GDPD5: variants seen among roughly 807,000 people sequenced by gnomAD.
GDPD5 encodes glycerophosphodiester phosphodiesterase domain containing 5.
GDPD5 carries 48 observed loss-of-function variants against 75.1 expected under a neutral mutation model. That is an observed-to-expected ratio of 0.64 (90% CI 0.51 to 0.81). The LOEUF (loss-of-function observed/expected upper bound fraction) is 0.81. Among genes scored for constraint, GDPD5 ranks in the 40% least tolerant of loss-of-function variants. The pLI is 0.00. For synonymous variants in GDPD5, 336 were observed against 339.0 expected (o/e 0.99, Z 0.10); for missense variants, 706 against 822.6 (o/e 0.86, Z 1.73).
chr11:75,503,306 C>A (rs1209591124), intron 1 of GDPD5, among the ~76,000 whole-genome samples: 1 of 152,242 alleles, frequency 6.6e-6, no homozygotes, highest in Non-Finnish European at 1.5e-5. Context: ...CAGGCATGAG[C>A]CACCACGCCC....
At chr11:75,483,010 G>A (rs1020083198) in intron 2 of GDPD5, among the ~76,000 whole-genome samples, 2 of 152,132 alleles carry the variant, frequency 1.3e-5, no homozygotes, top group Non-Finnish European at 2.9e-5. Flanking sequence ...CACCACACTC[G>A]GCCGCCGGGA....
At chr11:75,489,884 G>A (rs553666590) in intron 2 of GDPD5, among the ~76,000 whole-genome samples, 2 of 152,128 alleles carry the variant, frequency 1.3e-5, no homozygotes, top group East Asian at 3.9e-4. Context: ...GACTACAGGT[G>A]CATGCCACCA....
At chr11:75,446,459 AG>A (rs1458711512) in intron 9 of GDPD5, among the ~76,000 whole-genome samples, 1 of 152,138 alleles carries the variant, frequency 6.6e-6, no homozygotes, top group African/African-American at 2.4e-5. Flanking sequence ...GGGTGTGCAT[AG>A]GGGGGTGGTG....
chr11:75,440,521 C>T (rs1008798405), intron 14 of GDPD5, among the ~76,000 whole-genome samples: 28 of 152,168 alleles, frequency 1.8e-4, no homozygotes, highest in Admixed American at 5.2e-4. Flanking sequence ...TAAAATATTG[C>T]TTTATTTGCT....
intron 2 of GDPD5, among the ~76,000 whole-genome samples, chr11:75,488,555 G>A (rs1950055387): frequency 6.6e-6 from 1 of 152,082 alleles, no homozygotes; most frequent in Non-Finnish European, 1.5e-5. Context: ...GTACCACTGT[G>A]CTCCAAAGAC....
chr11:75,449,538 A>G lies in GDPD5; in HGVS notation c.547T>C (p.Phe183Leu). Residue 183 changes from phenylalanine to leucine, a missense_variant, in exon 8 of 17, where the codon TTC becomes CTC. Physicochemically the swap from Phe to Leu is conservative, Grantham distance 22 (BLOSUM62 0). Transcript: ENST00000336898. Reference sequence around the variant, plus strand: ...TCACAGGTCCGCTCTGCGCGGGCGAACTGTCCTGCCACGATCCAGGAGAGC... The same window carrying G: ...TCACAGGTCCGCTCTGCGCGGGCGAGCTGTCCTGCCACGATCCAGGAGAGC... ...TMLSWIVAGQ[F>L]ARAERTSSQV... is the part of the protein sequence containing the mutation. 1.3e-6 allele frequency: 2 copies of G among 1,581,436 alleles called. No homozygotes were observed. Among genetic ancestry groups the G allele is most frequent in the South Asian group, 1.2e-5 (1 of 86,316 alleles).
chr11:75,521,601 T>G (rs968631054), intron 1 of GDPD5, among the ~76,000 whole-genome samples: 6 of 152,230 alleles, frequency 3.9e-5, no homozygotes, highest in African/African-American at 1.4e-4. Flanking sequence ...GTGGATACAT[T>G]TTACAAACTG....
At chr11:75,477,894 G>T in intron 2 of GDPD5, 99 bp from the exon 3 acceptor site, 1 of 482,868 alleles carries the variant, frequency 2.1e-6, no homozygotes. Flanking sequence ...GGTCACCCCT[G>T]CTCAAAGCAC....
intron 2 of GDPD5, among the ~76,000 whole-genome samples, chr11:75,487,460 G>A (rs1245884538): frequency 6.6e-6 from 1 of 152,238 alleles, no homozygotes; most frequent in Non-Finnish European, 1.5e-5. Context: ...GGTGGGGCCT[G>A]TGCCACCCAG....
chr11:75,489,258 A>G (rs1950067834), intron 2 of GDPD5, among the ~76,000 whole-genome samples: 1 of 152,190 alleles, frequency 6.6e-6, no homozygotes, highest in African/African-American at 2.4e-5. Flanking sequence ...ACATTTCTGT[A>G]CCATATCTAG....
intron 4 of GDPD5, among the ~76,000 whole-genome samples, chr11:75,459,102 T>C (rs1028043636): frequency 6.6e-6 from 1 of 152,168 alleles, no homozygotes; most frequent in Non-Finnish European, 1.5e-5. Flanking sequence ...AGCATTTACT[T>C]ATGCCAGTAA....
In GDPD5 at chr11:75,449,869, G is replaced by A. The variant is rs1949092759; in HGVS notation, c.474+16C>T. On this transcript the variant is annotated intron_variant, in intron 7 of 16. Transcript: ENST00000336898. ...GGCTCTTGTTGTGAGGGTCCTGGGG[G>A]ACCCTCCTCACTCACCTGCAGGGAG... 1 of 1,609,758 alleles carries A rather than the reference G, an allele frequency of 6.2e-7. No homozygotes were observed. Among genetic ancestry groups the A allele is most frequent in the Non-Finnish European group, 8.5e-7 (1 of 1,176,432 alleles).
Position 75,525,605 on chromosome 11 carries a change from G to A in GDPD5, c.-540C>T, listed in dbSNP as rs566456023. 1 of 152,070 alleles carries A rather than the reference G, an allele frequency of 6.6e-6. No individual in the cohort carries two copies. The highest frequency in any genetic ancestry group is 1.5e-5 in the Non-Finnish European group (1 of 67,986). The allele number at this position is 152,070 out of a possible 1,614,324, so 9.4% of individuals were successfully genotyped here. A position where few individuals can be genotyped will look rare whatever the true frequency, so the allele number is the denominator to read the frequency against. ...CCACGGACCGGTACGGCGGCGTTAG[G>A]AGCGTCCCGTCCCGGCGCAGCGGGT... On this transcript the variant is annotated 5_prime_UTR_variant, in exon 1 of 17. Transcript: ENST00000336898.
intron 2 of GDPD5, 168 bp from the exon 3 acceptor site, chr11:75,477,963 C>T (rs911057181): frequency 2.6e-6 from 1 of 378,324 alleles, no homozygotes; most frequent in African/African-American, 2.1e-5. Flanking sequence ...TCCCCAAGGA[C>T]CTGTCCTCTG....
intron 1 of GDPD5, among the ~76,000 whole-genome samples, chr11:75,521,788 T>C (rs1430426464): frequency 8.0e-6 from 1 of 124,264 alleles, no homozygotes; most frequent in Non-Finnish European, 2.0e-5. Flanking sequence ...ATGGCGGTTC[T>C]GATGGGAGGA....
chr11:75,440,220 G>A (rs1001031652), intron 14 of GDPD5, among the ~76,000 whole-genome samples: 1 of 152,166 alleles, frequency 6.6e-6, no homozygotes, highest in Non-Finnish European at 1.5e-5. Flanking sequence ...AGGGCAGAGG[G>A]GTTGTGTGCT....
chr11:75,444,258 G>A (rs1296443835), intron 10 of GDPD5, among the ~76,000 whole-genome samples, 155 bp downstream of exon 10: 2 of 152,106 alleles, frequency 1.3e-5, no homozygotes, highest in Admixed American at 1.3e-4. Flanking sequence ...CCTGGAGTCT[G>A]CAGGAACAGG....
chr11:75,472,726 T>C (rs1312498072), intron 3 of GDPD5, among the ~76,000 whole-genome samples: 1 of 152,182 alleles, frequency 6.6e-6, no homozygotes, highest in Non-Finnish European at 1.5e-5. Context: ...TCAATCCTCC[T>C]TCCAGTTGTT....
In GDPD5 at chr11:75,457,709, T is replaced by A; in HGVS notation, c.299A>T (p.Tyr100Phe). The A allele has an allele frequency of 4.3e-6, 7 of 1,614,114 alleles. No homozygotes were observed. The highest frequency in any genetic ancestry group is 5.9e-6 in the Non-Finnish European group (7 of 1,179,970). The stretch of plus-strand genomic sequence containing the variant: ...CCCATGTACCAGGAGGCCAGCGATG[T>A]ATGCGAAGGCAGCAGCTGTGGTCAC... The part of the protein sequence containing the change: ...ILVTTAAAFA[Y>F]IAGLLVLALC... Residue 100 changes from tyrosine to phenylalanine, a missense_variant, in exon 5 of 17, where the codon TAC becomes TTC. By Grantham distance (22) the Tyr-to-Phe change is conservative (BLOSUM62 3). Transcript: ENST00000336898.
Sources: allele counts gnomAD v4.1 joint callset (sites outside exome capture counted in the v4.1 genomes callset), GRCh38; gene constraint gnomAD v4.1.1; transcripts MANE v1.5; gene names NCBI Gene and HGNC (gene_info 2026-07-23, HGNC 2026-07-21).